The following USP49 variants were observed in gnomAD, a reference collection of about 807,000 sequenced individuals.
USP49 encodes the protein ubiquitin carboxyl-terminal hydrolase 49.
In USP49, 24 loss-of-function variants were observed where a neutral mutation model predicts 58.6. The ratio of observed to expected loss-of-function variants is 0.41; its 90% confidence interval spans 0.30 to 0.58. USP49 has a LOEUF of 0.58. Among genes scored for constraint, USP49 ranks in the 20% least tolerant of loss-of-function variants. USP49 has a pLI of 0.30. For synonymous variants in USP49, 408 were observed against 365.1 expected, an observed-to-expected ratio of 1.12 and a Z score of -1.34; for missense variants, 703 against 866.1, an observed-to-expected ratio of 0.81 and a Z score of 2.36.
chr6:41,878,001 C>T (rs968479978), intron 2 of USP49, among the ~76,000 whole-genome samples: 3 of 151,884 alleles, frequency 2.0e-5, no homozygotes, highest in Non-Finnish European at 2.9e-5. Context: ...CTCCAGGGCT[C>T]AAGCGACCCT....
intron 3 of USP49, among the ~76,000 whole-genome samples, chr6:41,853,405 A>G (rs1774065242): frequency 1.3e-5 from 2 of 152,240 alleles, no homozygotes; most frequent in South Asian, 4.1e-4. Flanking sequence ...ATGCGTATAG[A>G]GTTTCAGATT....
At chr6:41,871,336 C>T (rs1449947230) in intron 3 of USP49, among the ~76,000 whole-genome samples, 1 of 152,098 alleles carries the variant, frequency 6.6e-6, no homozygotes, top group Non-Finnish European at 1.5e-5. Context: ...TCTTTAGGTC[C>T]CATTTTAACT....
At chr6:41,870,609 T>C (rs1774396542) in intron 3 of USP49, among the ~76,000 whole-genome samples, 2 of 151,504 alleles carry the variant, frequency 1.3e-5, no homozygotes, top group Admixed American at 6.6e-5. Context: ...TGATTATAGC[T>C]CACTACAGCC....
intron 2 of USP49, among the ~76,000 whole-genome samples, chr6:41,878,969 C>T (rs1774556030): frequency 6.6e-6 from 1 of 152,192 alleles, no homozygotes; most frequent in African/African-American, 2.4e-5. Context: ...AACCCTAAAT[C>T]GGTGGCAAGG....
chr6:41,881,233 C>T (rs147942085), intron 2 of USP49, among the ~76,000 whole-genome samples: 9 of 138,330 alleles, frequency 6.5e-5, no homozygotes, highest in Non-Finnish European at 1.2e-4. Context: ...TGCCCGGCCC[C>T]TACGCAGATT....
intron 5 of USP49, among the ~76,000 whole-genome samples, chr6:41,800,369 G>A: frequency 6.6e-6 from 1 of 152,230 alleles, no homozygotes; most frequent in East Asian, 1.9e-4. Context: ...ATGTCCTTCA[G>A]ACTTGTTTTA....
intron 3 of USP49, among the ~76,000 whole-genome samples, chr6:41,860,806 G>A (rs1034499912): frequency 6.6e-5 from 10 of 151,996 alleles, no homozygotes; most frequent in African/African-American, 1.9e-4. Context: ...CACCGCGCCC[G>A]GCAGATTATT....
intron 3 of USP49, among the ~76,000 whole-genome samples, chr6:41,851,180 C>A (rs1774021255): frequency 6.6e-6 from 1 of 152,092 alleles, no homozygotes; most frequent in Non-Finnish European, 1.5e-5. Context: ...CAGACACAGA[C>A]ATCAAGAAAA....
chr6:41,885,997 C>T (rs886493964), intron 2 of USP49, among the ~76,000 whole-genome samples: 2 of 152,244 alleles, frequency 1.3e-5, no homozygotes, highest in Non-Finnish European at 2.9e-5. Context: ...TTATGTCACA[C>T]ATTTCTAAAA....
intron 3 of USP49, among the ~76,000 whole-genome samples, chr6:41,807,731 C>T (rs970799651): frequency 1.3e-5 from 2 of 150,770 alleles, no homozygotes; most frequent in Non-Finnish European, 3.0e-5. Context: ...CATGAGCCAC[C>T]GTGCACAGCC....
intron 2 of USP49, among the ~76,000 whole-genome samples, chr6:41,882,142 A>T (rs1242215143): frequency 6.6e-6 from 1 of 152,086 alleles, no homozygotes; most frequent in Non-Finnish European, 1.5e-5. Context: ...AATAAACATG[A>T]TATGGTACAG....
At chr6:41,838,932 G>A (rs977798662) in intron 3 of USP49, among the ~76,000 whole-genome samples, 6 of 152,120 alleles carry the variant, frequency 3.9e-5, no homozygotes, top group East Asian at 3.9e-4. Context: ...AGGAACGCTC[G>A]AAACTATGGA....
intron 5 of USP49, among the ~76,000 whole-genome samples, chr6:41,802,479 A>T (rs9471665): frequency 0.23 from 17,504 of 74,970 alleles, 2,147 homozygotes; most frequent in Non-Finnish European, 0.26. Flanking sequence ...TTTTTTATTT[A>T]TTTTTTTTTT....
chr6:41,867,977 A>G (rs945914883), intron 3 of USP49, among the ~76,000 whole-genome samples: 6 of 152,222 alleles, frequency 3.9e-5, no homozygotes, highest in Admixed American at 6.5e-5. Context: ...GGCAAACAAA[A>G]TCAAATAGTT....
intron 3 of USP49, among the ~76,000 whole-genome samples, chr6:41,855,454 A>G (rs963444529): frequency 1.3e-5 from 2 of 151,464 alleles, no homozygotes; most frequent in East Asian, 2.0e-4. Context: ...GGCAGAGGTT[A>G]CAATGAGCCG....
rs766355756 is a variant in USP49 at position 41,806,449 on chromosome 6, C to T, written c.535G>A (p.Glu179Lys). 2 of 1,591,770 alleles carry T rather than the reference C, an allele frequency of 1.3e-6. No individual in the cohort carries two copies. Among genetic ancestry groups the T allele is most frequent in the East Asian group, 4.5e-5 (2 of 44,800 alleles). The change falls in exon 4 of 8, where the codon GAG (glutamate) becomes AAG (lysine). Residue 179 changes from glutamate (E) to lysine (K), a missense_variant. Physicochemically the swap from Glu to Lys is moderately conservative, Grantham distance 56 (BLOSUM62 1). This residue lies in a region of USP49 where 376 missense variants were observed against 373.5 expected (regional missense o/e 1.01). Transcript: ENST00000682992. This position sits in a 1 kb window ranked among gnomAD's most constrained non-coding sequence, Gnocchi z 5.9. Reference sequence around the variant, plus strand: ...CTCCGCGCCTCCTCCTTCTTGCGCTCCAGGGCCTCCTCCTGCCGCCGCTGC... The same window carrying T: ...CTCCGCGCCTCCTCCTTCTTGCGCTTCAGGGCCTCCTCCTGCCGCCGCTGC... ...LEQRRQEEAL[E>K]RKKEEARRRR...
At chr6:41,849,794 G>C (rs146108634) in intron 3 of USP49, among the ~76,000 whole-genome samples, 2,204 of 152,064 alleles carry the variant, frequency 0.014, 27 homozygotes, top group South Asian at 0.062. Flanking sequence ...TTTTAGTAGA[G>C]ACAAGGTTTT....
intron 3 of USP49, among the ~76,000 whole-genome samples, chr6:41,864,424 G>A (rs948464177): frequency 1.1e-4 from 17 of 152,254 alleles, no homozygotes; most frequent in African/African-American, 4.1e-4. Context: ...TTAGCTGGGT[G>A]TGGTGGCACA....
chr6:41,805,837 G>A lies in USP49; in HGVS notation c.1147C>T (p.His383Tyr). ...WALVSPFAML[H>Y]SVWSLIPAFR... ...GCAGGGATCAGGCTCCACACTGAGT[G>A]GAGCATGGCGAAGGGCGACACTAGG... Residue 383 changes from histidine (H) to tyrosine (Y), a missense_variant, in exon 4 of 8, where the codon CAC becomes TAC. Physicochemically the swap from His to Tyr is moderately conservative, Grantham distance 83. This residue lies in a region of USP49 where 66 missense variants were observed against 116.0 expected (regional missense o/e 0.57). Coordinates refer to ENST00000682992, the MANE Select transcript of USP49 (RefSeq NM_001286554.2). 6.2e-7 allele frequency: 1 copy of A among 1,614,012 alleles called. No homozygotes were observed. The highest frequency in any genetic ancestry group is 8.5e-7 in the Non-Finnish European group (1 of 1,179,996).
Sources: gnomAD v4.1 joint callset for allele counts (sites outside exome capture counted in the v4.1 genomes callset) on GRCh38, gnomAD v4.1.1 for gene constraint, gnomAD v4.1.1 regional missense constraint, Gnocchi (gnomAD v3.1) non-coding constraint, MANE v1.5 for transcripts, NCBI Gene and HGNC (gene_info 2026-07-23, HGNC 2026-07-21) for gene names.